The following SLC14A2 variants were observed in gnomAD, a reference collection of about 807,000 sequenced individuals.
SLC14A2 encodes urea transporter 2.
In SLC14A2, 91 loss-of-function variants were observed where a neutral mutation model predicts 104.6. The observed-to-expected ratio is 0.87, with a 90% confidence interval of 0.73 to 1.04. The LOEUF is 1.04. Ranked by LOEUF, SLC14A2 falls within the 50% of genes least tolerant of loss-of-function variation. The pLI is 0.00. For missense variants in SLC14A2, 1,189 were observed against 1,156.0 expected, an observed-to-expected ratio of 1.03 and a Z score of -0.41; for synonymous variants, 476 against 466.4, an observed-to-expected ratio of 1.02 and a Z score of -0.27.
chr18:45,222,841 A>G (rs1355282999), intron 1 of SLC14A2, among the ~76,000 whole-genome samples: 1 of 152,120 alleles, frequency 6.6e-6, no homozygotes, highest in East Asian at 1.9e-4. Context: ...GCAGCCATTT[A>G]TGGGGCTTGG....
the SLC14A2 span, among the ~76,000 whole-genome samples, chr18:45,187,043 ATTACT>A: frequency 6.6e-6 from 1 of 152,134 alleles, no homozygotes; most frequent in East Asian, 1.9e-4. Context: ...GTTTTCAGAA[ATTACT>A]GTTGCCCACC....
chr18:45,290,346 A>G (rs925849738), intron 1 of SLC14A2, among the ~76,000 whole-genome samples: 1 of 152,164 alleles, frequency 6.6e-6, no homozygotes, highest in African/African-American at 2.4e-5. Flanking sequence ...TTGTGCCCAC[A>G]TTGTTAAAAG....
chr18:45,617,577 T>C (rs1370326736), intron 1 of SLC14A2, among the ~76,000 whole-genome samples: 1 of 152,162 alleles, frequency 6.6e-6, no homozygotes, highest in African/African-American at 2.4e-5. Flanking sequence ...CAGCCCTGAG[T>C]AAGGCACCTC....
At chr18:45,652,359 A>G (rs555921912) in intron 10 of SLC14A2, among the ~76,000 whole-genome samples, 1 of 152,368 alleles carries the variant, frequency 6.6e-6, no homozygotes, top group East Asian at 1.9e-4. Context: ...CAAGACCCCA[A>G]GAAGGGGGCA....
chr18:45,202,963 A>G, the SLC14A2 span, among the ~76,000 whole-genome samples: 2 of 152,212 alleles, frequency 1.3e-5, no homozygotes, highest in African/African-American at 4.8e-5. Flanking sequence ...AAGCAGAACC[A>G]GAGTGGTCAC....
intron 2 of SLC14A2, among the ~76,000 whole-genome samples, chr18:45,559,829 C>T (rs763913095): frequency 6.6e-6 from 1 of 152,316 alleles, no homozygotes; most frequent in Middle Eastern, 3.4e-3. Flanking sequence ...CTGTGGCCTC[C>T]AGCTGTAGTG....
chr18:45,304,652 A>G (rs538083750), intron 1 of SLC14A2, among the ~76,000 whole-genome samples: 377 of 152,334 alleles, frequency 2.5e-3, no homozygotes, highest in Non-Finnish European at 4.4e-3. Flanking sequence ...TTAAGCAATG[A>G]ATAGAATATC....
intron 2 of SLC14A2, among the ~76,000 whole-genome samples, chr18:45,495,954 C>T (rs747364823): frequency 2.6e-5 from 4 of 152,218 alleles, no homozygotes; most frequent in African/African-American, 9.6e-5. Flanking sequence ...CACCCAAAGG[C>T]ACTTTAGCAA....
At chr18:45,572,665 ACTCC>A (rs2044364628) in intron 2 of SLC14A2, among the ~76,000 whole-genome samples, 1 of 151,888 alleles carries the variant, frequency 6.6e-6, no homozygotes, top group African/African-American at 2.4e-5. Context: ...CAGTGTGACC[ACTCC>A]AGCTCTCAGA....
chr18:45,652,763 T>A (rs2045762909), intron 10 of SLC14A2, among the ~76,000 whole-genome samples: 2 of 152,164 alleles, frequency 1.3e-5, no homozygotes, highest in African/African-American at 4.8e-5. Flanking sequence ...CTAGCTCTAG[T>A]CAAGGGGACA....
chr18:45,601,733 T>A (rs942824878), intron 2 of SLC14A2, among the ~76,000 whole-genome samples: 1 of 152,246 alleles, frequency 6.6e-6, no homozygotes, highest in Non-Finnish European at 1.5e-5. Context: ...AATCAATTGA[T>A]CAGACTGGCC....
chr18:45,608,264 T>G (rs538740585), intron 2 of SLC14A2, among the ~76,000 whole-genome samples: 1 of 152,340 alleles, frequency 6.6e-6, no homozygotes, highest in South Asian at 2.1e-4. Context: ...TCCCTGATGG[T>G]TGGAGTCTTT....
intron 1 of SLC14A2, among the ~76,000 whole-genome samples, chr18:45,254,018 G>A (rs972365848): frequency 3.9e-5 from 6 of 152,232 alleles, no homozygotes; most frequent in Admixed American, 2.6e-4. Flanking sequence ...CCAAAGGACC[G>A]AACGCTAGAA....
chr18:45,413,521 C>G (rs2086237067), intron 1 of SLC14A2, among the ~76,000 whole-genome samples: 1 of 152,166 alleles, frequency 6.6e-6, no homozygotes. Context: ...CTCATCTGGA[C>G]TCAGACCCTA....
chr18:45,581,628 A>T (rs1206257372), intron 2 of SLC14A2, among the ~76,000 whole-genome samples: 3 of 152,164 alleles, frequency 2.0e-5, no homozygotes, highest in Non-Finnish European at 4.4e-5. Context: ...TCCGAGCCTC[A>T]GTTTTCTCAT....
rs145599824 is a variant in SLC14A2 at position 45,449,478 on chromosome 18, G to A, written c.-124-33755G>A. 3.7e-3 allele frequency among the ~76,000 whole-genome samples: 569 copies of A among 152,122 alleles called. 5 individuals carry two copies. The highest frequency in any genetic ancestry group is 0.013 in the African/African-American group (530 of 41,470). Reference sequence around the variant, plus strand: ...TGCCTCATACACATAAACTTCCTGCGCCCGGGGAAAGACGATGGAGTCTCC... The same window carrying A: ...TGCCTCATACACATAAACTTCCTGCACCCGGGGAAAGACGATGGAGTCTCC... On this transcript the variant is annotated intron_variant, in intron 1 of 20. Coordinates refer to the SLC14A2 transcript ENST00000586448.
At chr18:45,663,743 A>G in intron 10 of SLC14A2, 42 bp from the exon 11 acceptor site, 2 of 1,597,780 alleles carry the variant, frequency 1.3e-6, no homozygotes, top group Non-Finnish European at 1.7e-6. Flanking sequence ...TCAGGTGCGG[A>G]CTAGGTGGGA....
chr18:45,640,296 T>A (rs1339949518), intron 7 of SLC14A2, among the ~76,000 whole-genome samples: 1 of 148,486 alleles, frequency 6.7e-6, no homozygotes, highest in East Asian at 2.0e-4. Context: ...AAAATACATG[T>A]GGAGAGATGC....
intron 1 of SLC14A2, among the ~76,000 whole-genome samples, chr18:45,617,882 CAG>C (rs911074124): frequency 5.9e-5 from 9 of 152,270 alleles, no homozygotes; most frequent in Middle Eastern, 3.4e-3. Flanking sequence ...GGCAAGATGG[CAG>C]AGAGTCTGGG....
Sources: allele counts gnomAD v4.1 joint callset (sites outside exome capture counted in the v4.1 genomes callset), GRCh38; gene constraint gnomAD v4.1.1; transcripts MANE v1.5; gene names NCBI Gene and HGNC (gene_info 2026-07-23, HGNC 2026-07-21).